The following RSBN1 variants were observed in gnomAD, a reference collection of about 807,000 sequenced individuals.
RSBN1 encodes the protein lysine-specific demethylase 9.
A neutral mutation model predicts 74.8 loss-of-function variants in RSBN1; 23 were observed. The observed-to-expected ratio is 0.31, with a 90% confidence interval of 0.22 to 0.44. The LOEUF is 0.44. RSBN1 is among the 20% of genes least tolerant of loss of function. The pLI is 1.00. For synonymous variants in RSBN1, 407 were observed against 379.6 expected (o/e 1.07, Z -0.84); for missense variants, 808 against 1,020.9 (o/e 0.79, Z 2.84).
Position 113,765,972 on chromosome 1 carries a change from T to C in RSBN1, c.*8A>G. Reference sequence around the variant, plus strand: ...AAAAGTTAAAAAATGTGTTTGAATATGTACATATCACACAGAAGTGGTTGA... The same window carrying C: ...AAAAGTTAAAAAATGTGTTTGAATACGTACATATCACACAGAAGTGGTTGA... On this transcript the variant is annotated 3_prime_UTR_variant, in exon 7 of 7. Coordinates refer to ENST00000261441, the MANE Select transcript of RSBN1 (RefSeq NM_018364.5). 6.3e-7 allele frequency: 1 copy of C among 1,597,428 alleles called. No individual in the cohort carries two copies. Among genetic ancestry groups the C allele is most frequent in the Non-Finnish European group, 8.6e-7 (1 of 1,167,018 alleles).
At chr1:113,804,571 C>T (rs544024140) in intron 1 of RSBN1, among the ~76,000 whole-genome samples, 1 of 152,264 alleles carries the variant, frequency 6.6e-6, no homozygotes, top group African/African-American at 2.4e-5. Context: ...TATCTGGTTA[C>T]AATTAATGGA....
Position 113,777,769 on chromosome 1 carries a change from G to C in RSBN1, c.1417C>G (p.Pro473Ala). The change falls in exon 3 of 7, where the codon CCT becomes GCT. Residue 473 changes from proline (P) to alanine (A), a missense_variant. Around this residue, in one of 6 missense-constraint regions of RSBN1, gnomAD observed 112 missense variants for 257.3 expected, o/e 0.44. Transcript: ENST00000261441. ...CCAACGAGACTTATCTGCCGCATAGGACCTGCTCGGTAGGTGCCACAGCAG... is the reference window on the plus strand; with the variant it reads ...CCAACGAGACTTATCTGCCGCATAGCACCTGCTCGGTAGGTGCCACAGCAG... ...TYCCGTYRAGPMRQISLVGAV... is the reference protein window; with the variant it reads ...TYCCGTYRAGAMRQISLVGAV... 3 of 1,608,144 alleles carry C rather than the reference G, an allele frequency of 1.9e-6. No homozygotes were observed. The highest frequency in any genetic ancestry group is 2.6e-6 in the Non-Finnish European group (3 of 1,176,124).
At chr1:113,793,792 C>T (rs1014608740) in intron 2 of RSBN1, among the ~76,000 whole-genome samples, 2 of 151,974 alleles carry the variant, frequency 1.3e-5, no homozygotes, top group African/African-American at 4.8e-5. Flanking sequence ...GCCAGCATCC[C>T]AAGCAGCTGG....
intron 6 of RSBN1, among the ~76,000 whole-genome samples, 178 bp downstream of exon 6, chr1:113,766,921 A>T (rs1479346988): frequency 6.6e-6 from 1 of 152,224 alleles, no homozygotes; most frequent in African/African-American, 2.4e-5. Context: ...GATTTCAAGC[A>T]TTCTGCTAGG....
At chr1:113,794,807 G>T (rs1320877584) in intron 2 of RSBN1, among the ~76,000 whole-genome samples, 1 of 152,112 alleles carries the variant, frequency 6.6e-6, no homozygotes, top group Non-Finnish European at 1.5e-5. Flanking sequence ...CCACTAGACT[G>T]AGCTCATCAA....
intron 1 of RSBN1, among the ~76,000 whole-genome samples, chr1:113,811,170 T>G (rs1044913328): frequency 1.6e-4 from 24 of 152,236 alleles, no homozygotes; most frequent in Admixed American, 1.3e-4. Context: ...AACTTTAAAA[T>G]GATTTTTACC....
rs7339893 is a variant in RSBN1, at chr1:113,776,222, A to C, written c.1658+988T>G. ...TACCTAGTATATGTCATGAGGACAA[A>C]GATGAATAAAATAGTCCCTGTCTTC... On this transcript the variant is annotated intron_variant, in intron 4 of 6. Transcript: ENST00000261441. Among the ~76,000 whole-genome samples, 438 of 152,392 alleles carry C rather than the reference A, an allele frequency of 2.9e-3. 2 individuals are homozygous for C. Among genetic ancestry groups the C allele is most frequent in the African/African-American group, 1.0e-2 (415 of 41,594 alleles).
At chr1:113,795,699 T>C (rs1660457210) in intron 2 of RSBN1, among the ~76,000 whole-genome samples, 2 of 152,230 alleles carry the variant, frequency 1.3e-5, no homozygotes, top group Non-Finnish European at 2.9e-5. Context: ...CAAGGTAAGT[T>C]GTTGGTACAG....
intron 1 of RSBN1, among the ~76,000 whole-genome samples, chr1:113,805,291 A>G (rs889508962): frequency 7.2e-5 from 11 of 152,236 alleles, no homozygotes; most frequent in East Asian, 1.9e-4. Flanking sequence ...GGGTTTCACC[A>G]TGTTGACTAG....
chr1:113,773,896 G>A (rs774081964), intron 4 of RSBN1, among the ~76,000 whole-genome samples: 21 of 152,020 alleles, frequency 1.4e-4, no homozygotes, highest in Non-Finnish European at 2.2e-4. Context: ...CCAGCTACTC[G>A]GGAGGCTGAG....
At chr1:113,794,228 C>T (rs1188277108) in intron 2 of RSBN1, among the ~76,000 whole-genome samples, 2 of 152,132 alleles carry the variant, frequency 1.3e-5, no homozygotes, top group East Asian at 1.9e-4. Context: ...CCAGTTTGGA[C>T]GTGGAGCATT....
chr1:113,761,943 T>C lies in RSBN1; in HGVS notation c.*4037A>G, dbSNP rs1027432810. The C allele has an allele frequency of 1.3e-5, 2 of 152,678 alleles. No homozygotes were observed. Among genetic ancestry groups the C allele is most frequent in the African/African-American group, 2.4e-5 (1 of 41,418 alleles). The allele number at this position is 152,678 out of a possible 1,614,324, so 9.5% of individuals were successfully genotyped here. ...AAATAGCTTAACAATTTAACACACT[T>C]AGACAGCTACAAAAAAGCACTGTGT... is the stretch of plus-strand genomic sequence containing the variant. On this transcript the variant is annotated 3_prime_UTR_variant, in exon 7 of 7. Coordinates refer to ENST00000261441, the MANE Select transcript of RSBN1 (RefSeq NM_018364.5).
At chr1:113,768,520 G>T in intron 4 of RSBN1, 131 bp from the exon 5 acceptor site, 1 of 576,192 alleles carries the variant, frequency 1.7e-6, no homozygotes, top group Non-Finnish European at 3.0e-6. Flanking sequence ...ACTGAGAAGG[G>T]TTCAATGATT....
At chr1:113,807,225 A>G (rs1660722313) in intron 1 of RSBN1, among the ~76,000 whole-genome samples, 1 of 151,722 alleles carries the variant, frequency 6.6e-6, no homozygotes, top group Admixed American at 6.6e-5. Context: ...GACATAGGAG[A>G]ATCGCCTGAA....
In RSBN1 at chr1:113,766,962, C is replaced by G. The variant is rs181598127; in HGVS notation, c.1935+137G>C. 2.8e-5 allele frequency: 15 copies of G among 540,808 alleles called. No individual in the cohort carries two copies. The East Asian group carries it at 4.6e-4, about 17-fold the overall frequency. 33.5% of individuals were successfully genotyped at this position (540,808 alleles called of 1,614,324 possible). A position where few individuals can be genotyped will look rare whatever the true frequency, so the allele number is the denominator to read the frequency against. On this transcript the variant is annotated intron_variant, in intron 6 of 6. Coordinates refer to ENST00000261441, the MANE Select transcript of RSBN1 (RefSeq NM_018364.5). ...TCTGTTTAAATGATTTTCAGCACCA[C>G]CCCCACCCCAGTCTTTAACAGTAAT...
chr1:113,791,605 C>G (rs955039397), intron 2 of RSBN1, among the ~76,000 whole-genome samples: 1 of 152,026 alleles, frequency 6.6e-6, no homozygotes, highest in Non-Finnish European at 1.5e-5. Flanking sequence ...AAAAATTAGC[C>G]AGCGATCTTC....
chr1:113,802,940 C>T (rs577665961), intron 1 of RSBN1, among the ~76,000 whole-genome samples: 1 of 152,240 alleles, frequency 6.6e-6, no homozygotes, highest in Admixed American at 6.5e-5. Flanking sequence ...ATGTATCCAC[C>T]ATTAATTAAG....
Position 113,763,721 on chromosome 1 carries a change from T to C in RSBN1, c.*2259A>G, listed in dbSNP as rs1659729552. ...ATTGTACTCTTTTAATGTGTTTATA[T>C]TGGAGGTGAGGGTAGAATGTTTTAT... On this transcript the variant is annotated 3_prime_UTR_variant, in exon 7 of 7. Coordinates refer to ENST00000261441, the MANE Select transcript of RSBN1 (RefSeq NM_018364.5). 6.6e-6 allele frequency: 1 copy of C among 151,322 alleles called. No individual in the cohort carries two copies. The highest frequency in any genetic ancestry group is 1.5e-5 in the Non-Finnish European group (1 of 67,722). The allele number at this position is 151,322 out of a possible 1,614,324, so 9.4% of individuals were successfully genotyped here.
Position 113,797,875 on chromosome 1 carries a change from T to C in RSBN1, c.865A>G (p.Ser289Gly), listed in dbSNP as rs754614349. ...QTVCAGLTRI[S>G]KEILTQGQIN... Reference sequence around the variant, plus strand: ...TGTCCTTGGGTGAGAATTTCTTTACTGATGCGGGTCAGGCCAGCACAGACG... The same window carrying C: ...TGTCCTTGGGTGAGAATTTCTTTACCGATGCGGGTCAGGCCAGCACAGACG... The change falls in exon 2 of 7, where the codon AGT becomes GGT. Residue 289 changes from serine to glycine, a missense_variant. Coordinates refer to ENST00000261441, the MANE Select transcript of RSBN1 (RefSeq NM_018364.5). 6.2e-7 allele frequency: 1 copy of C among 1,614,090 alleles called. No individual in the cohort carries two copies. Among genetic ancestry groups the C allele is most frequent in the Non-Finnish European group, 8.5e-7 (1 of 1,179,984 alleles).
Sources: allele counts gnomAD v4.1 joint callset (sites outside exome capture counted in the v4.1 genomes callset), GRCh38; gene constraint gnomAD v4.1.1; regional missense constraint gnomAD v4.1.1; transcripts MANE v1.5; gene names NCBI Gene and HGNC (gene_info 2026-07-23, HGNC 2026-07-21).